Variants in ARSG observed in about 807,000 individuals in gnomAD.
ARSG encodes arylsulfatase G, also known as ASG.
A neutral mutation model predicts 50.5 loss-of-function variants in ARSG; 37 were observed. That is an observed-to-expected ratio of 0.73 (90% CI 0.56 to 0.96). ARSG has a LOEUF of 0.96. Among genes scored for constraint, ARSG ranks in the 50% least tolerant of loss-of-function variants. The pLI is 0.00. For synonymous variants in ARSG, 225 were observed against 254.6 expected (o/e 0.88, Z 1.11); for missense variants, 629 against 675.3 (o/e 0.93, Z 0.76).
downstream of ARSG, chr17:68,427,030 C>G (rs556057281): frequency 8.4e-6 from 8 of 947,628 alleles, no homozygotes; most frequent in African/African-American, 1.1e-4. Context: ...GGAGGGCACT[C>G]CACCCCCAGG....
At chr17:68,445,718 G>A in the ARSG span, among the ~76,000 whole-genome samples, 1 of 152,180 alleles carries the variant, frequency 6.6e-6, no homozygotes, top group East Asian at 1.9e-4. Flanking sequence ...GGAATATAAC[G>A]CATAGCCCAG....
chr17:68,268,078 A>C (rs1486274255), intron 1 of ARSG: 5 of 152,212 alleles, frequency 3.3e-5, no homozygotes, highest in Admixed American at 3.3e-4. Context: ...CTTTAATAGC[A>C]CACGTTGCCC....
intron 6 of ARSG, among the ~76,000 whole-genome samples, chr17:68,362,771 G>GATGCGCTGCCTATACTAACTTTTTAAAT (rs2079356337): frequency 6.6e-6 from 1 of 152,078 alleles, no homozygotes; most frequent in Non-Finnish European, 1.5e-5. Flanking sequence ...TCAGATTTGG[G>GATGCGCTGCCTATACTAACTTTTTAAAT]ATGCGCTGCC....
downstream of ARSG, among the ~76,000 whole-genome samples, chr17:68,423,827 AC>A (rs1195251346): frequency 6.6e-6 from 1 of 152,248 alleles, no homozygotes; most frequent in African/African-American, 2.4e-5. The surrounding 1 kb of genome is among the most constrained non-coding windows in gnomAD (Gnocchi z 4.4). Flanking sequence ...ACTAATATCC[AC>A]ATTACCCCAA....
chr17:68,296,819 A>G (rs183515916), intron 1 of ARSG, among the ~76,000 whole-genome samples: 34 of 152,338 alleles, frequency 2.2e-4, no homozygotes, highest in Admixed American at 7.8e-4. Context: ...GACAGGACAC[A>G]TGCGATTGTT....
chr17:68,436,282 C>T, the ARSG span: 21 of 1,056,876 alleles, frequency 2.0e-5, no homozygotes, highest in South Asian at 1.2e-4. Flanking sequence ...TTACTCCCAC[C>T]GCCTCCAGCC....
chr17:68,432,881 C>T, the ARSG span, among the ~76,000 whole-genome samples: 1 of 152,322 alleles, frequency 6.6e-6, no homozygotes, highest in South Asian at 2.1e-4. Flanking sequence ...TTCCAACCCC[C>T]ATTCTGCACA....
At chr17:68,298,624 A>C (rs1489376176) in intron 1 of ARSG, among the ~76,000 whole-genome samples, 1 of 151,080 alleles carries the variant, frequency 6.6e-6, no homozygotes, top group Non-Finnish European at 1.5e-5. Context: ...AAAGAGAAGA[A>C]CACTACTGTA....
chr17:68,322,022 A>G (rs946577957), intron 2 of ARSG, among the ~76,000 whole-genome samples: 6 of 152,244 alleles, frequency 3.9e-5, no homozygotes, highest in South Asian at 2.1e-4. Context: ...GGGTGGGTAC[A>G]GCGTCTCCAA....
intron 1 of ARSG, among the ~76,000 whole-genome samples, chr17:68,303,899 G>C (rs1222726157): frequency 6.6e-6 from 1 of 152,208 alleles, no homozygotes; most frequent in Non-Finnish European, 1.5e-5. Context: ...CTGGAGGTGT[G>C]GGTGTGAAGA....
chr17:68,391,838 T>G (rs955783816), intron 9 of ARSG, among the ~76,000 whole-genome samples: 9 of 152,226 alleles, frequency 5.9e-5, no homozygotes, highest in East Asian at 5.8e-4. Context: ...AGCTTGTTTC[T>G]TAAGAGATAA....
chr17:68,380,317 C>G (rs1212591640), intron 8 of ARSG, among the ~76,000 whole-genome samples: 1 of 151,752 alleles, frequency 6.6e-6, no homozygotes, highest in Admixed American at 6.6e-5. Context: ...TCAGAGCTCA[C>G]TGCTGCCTCA....
At chr17:68,434,956 C>T in the ARSG span, among the ~76,000 whole-genome samples, 1 of 152,144 alleles carries the variant, frequency 6.6e-6, no homozygotes, top group Non-Finnish European at 1.5e-5. Flanking sequence ...AATCCTAGCA[C>T]TTTGGGAGGC....
chr17:68,353,508 C>T (rs373964843), intron 5 of ARSG, among the ~76,000 whole-genome samples: 94 of 151,966 alleles, frequency 6.2e-4, no homozygotes, highest in Middle Eastern at 3.4e-3. Flanking sequence ...AGTAAGATCC[C>T]GTCTCAAAAA....
chr17:68,387,205 T>G (rs1319391294), intron 9 of ARSG, among the ~76,000 whole-genome samples: 1 of 152,044 alleles, frequency 6.6e-6, no homozygotes, highest in East Asian at 1.9e-4. Context: ...CATAGCTCAC[T>G]GCAGCCTTGA....
chr17:68,338,934 A>G (rs1599781137), intron 2 of ARSG, among the ~76,000 whole-genome samples: 1 of 152,226 alleles, frequency 6.6e-6, no homozygotes, highest in Non-Finnish European at 1.5e-5. Context: ...GTTGCTGCTC[A>G]GTAAATATTT....
Position 68,347,161 on chromosome 17 carries a change from C to T in ARSG, c.443C>T (p.Pro148Leu). Residue 148 changes from proline to leucine, a missense_variant, in exon 4 of 12, where the codon CCC (proline) becomes CTC (leucine). By Grantham distance (98) the Pro-to-Leu change is moderately conservative. Transcript: ENST00000621439. ...CTTGGACACCACGGCTCTTATCACC[C>T]CAACTTCCGTGGTAAGAATTCTTTT... The part of the protein sequence containing the change: ...WHLGHHGSYH[P>L]NFRGFDYYFG... 1 of 1,613,992 alleles carries T rather than the reference C, an allele frequency of 6.2e-7. No individual in the cohort carries two copies. Among genetic ancestry groups the T allele is most frequent in the Non-Finnish European group, 8.5e-7 (1 of 1,179,926 alleles).
chr17:68,315,913 C>T (rs929559573), intron 2 of ARSG, among the ~76,000 whole-genome samples: 3 of 151,998 alleles, frequency 2.0e-5, no homozygotes, highest in Non-Finnish European at 2.9e-5. Flanking sequence ...TTACAAAGTG[C>T]GTGGGTGGCA....
chr17:68,315,830 ACCATGTTGG>A (rs1181394090), intron 2 of ARSG, among the ~76,000 whole-genome samples: 2 of 152,012 alleles, frequency 1.3e-5, no homozygotes, highest in Non-Finnish European at 1.5e-5. Context: ...ACAGCATTTC[ACCATGTTGG>A]CCAGGCTGAT....
Sources: allele counts gnomAD v4.1 joint callset (sites outside exome capture counted in the v4.1 genomes callset), GRCh38; gene constraint gnomAD v4.1.1; non-coding constraint Gnocchi (gnomAD v3.1); transcripts MANE v1.5; gene names NCBI Gene and HGNC (gene_info 2026-07-23, HGNC 2026-07-21).